The following LRFN5 variants were observed in gnomAD, a reference collection of about 807,000 sequenced individuals.
LRFN5 encodes leucine rich repeat and fibronectin type III domain containing 5.
LRFN5 carries 24 observed loss-of-function variants against 45.6 expected under a neutral mutation model. The observed-to-expected ratio is 0.53, with a 90% CI of 0.38 to 0.74. The LOEUF (loss-of-function observed/expected upper bound fraction) is 0.74. LRFN5 is among the 30% of genes least tolerant of loss of function. LRFN5 has a pLI of 0.00. For synonymous variants in LRFN5, 340 were observed against 313.8 expected, an observed-to-expected ratio of 1.08 and a Z score of -0.88; for missense variants, 776 against 861.5, an observed-to-expected ratio of 0.90 and a Z score of 1.24.
intron 2 of LRFN5, among the ~76,000 whole-genome samples, chr14:41,880,452 T>A (rs1257035669): frequency 1.3e-5 from 2 of 152,120 alleles, no homozygotes; most frequent in African/African-American, 2.4e-5. Context: ...ACAATTCAAA[T>A]ACACTATTTT....
At chr14:41,873,419 C>CAG (rs10558865) in intron 2 of LRFN5, among the ~76,000 whole-genome samples, 4,992 of 146,550 alleles carry the variant, frequency 0.034, 120 homozygotes, top group African/African-American at 0.073. Flanking sequence ...GAGAGAGAGA[C>CAG]AGAGAGAGAG....
chr14:41,776,697 G>A (rs1566433681), intron 2 of LRFN5, among the ~76,000 whole-genome samples: 2 of 151,968 alleles, frequency 1.3e-5, no homozygotes, highest in Non-Finnish European at 2.9e-5. Context: ...AAAATAAAAA[G>A]CTTTCATTTA....
At chr14:41,795,669 C>T (rs1000518054) in intron 2 of LRFN5, among the ~76,000 whole-genome samples, 2 of 151,762 alleles carry the variant, frequency 1.3e-5, no homozygotes, top group Admixed American at 6.6e-5. Context: ...AGCAAAGTAT[C>T]GCAAGGACAG....
rs1214965846 is a variant in LRFN5, at chr14:41,668,722, T to C, written c.-197+60160T>C. On this transcript the variant is annotated intron_variant, in intron 1 of 5. Transcript: ENST00000298119. ...AATTCCCCATCTGTATTAGAATTAGTAAGTCTCAGATTTGAAATAAGTTTT... is the reference window on the plus strand; with the variant it reads ...AATTCCCCATCTGTATTAGAATTAGCAAGTCTCAGATTTGAAATAAGTTTT... Among the ~76,000 whole-genome samples, 3 of 152,170 alleles carry C rather than the reference T, an allele frequency of 2.0e-5. No individual in the cohort carries two copies. The East Asian group carries it at 5.8e-4, about 29-fold the overall frequency.
rs1888528841 is a variant in LRFN5, at chr14:41,832,725, C to T, written c.-20-53881C>T. ...CCTCTCACATACTGTAAAGCATTGC[C>T]CCAGTCCCACAATGTGTTATCACTC... On this transcript the variant is annotated intron_variant, in intron 2 of 5. Coordinates refer to ENST00000298119, the MANE Select transcript of LRFN5 (RefSeq NM_152447.5). Among the ~76,000 whole-genome samples the T allele has an allele frequency of 2.0e-5, 3 of 152,132 alleles. No homozygotes were observed. In the South Asian group the frequency reaches 6.2e-4, roughly 32 times the overall value.
At chr14:41,760,950 A>G (rs1022148017) in intron 1 of LRFN5, among the ~76,000 whole-genome samples, 2 of 152,170 alleles carry the variant, frequency 1.3e-5, no homozygotes, top group Non-Finnish European at 2.9e-5. Flanking sequence ...CCCAATGTCC[A>G]TTTGGACTAA....
intron 1 of LRFN5, among the ~76,000 whole-genome samples, chr14:41,717,001 G>A (rs1054064984): frequency 7.9e-5 from 12 of 152,026 alleles, no homozygotes; most frequent in African/African-American, 2.9e-4. Flanking sequence ...TTCAACCTTT[G>A]TTTTTCGTCA....
intron 1 of LRFN5, among the ~76,000 whole-genome samples, chr14:41,759,595 A>T (rs752477534): frequency 6.6e-6 from 1 of 152,122 alleles, no homozygotes; most frequent in Non-Finnish European, 1.5e-5. Context: ...GATTAACACC[A>T]GTCCAGGAGT....
chr14:41,876,319 C>T (rs1265305978), intron 2 of LRFN5, among the ~76,000 whole-genome samples: 2 of 118,750 alleles, frequency 1.7e-5, no homozygotes, highest in Non-Finnish European at 1.6e-5. Flanking sequence ...GTCGCTCTGT[C>T]GCCCAGGCTG....
intron 1 of LRFN5, among the ~76,000 whole-genome samples, chr14:41,711,107 G>T (rs1465806379): frequency 6.6e-6 from 1 of 151,938 alleles, no homozygotes; most frequent in African/African-American, 2.4e-5. Flanking sequence ...GTTTCTCTCT[G>T]TCAAGAAAGA....
intron 1 of LRFN5, among the ~76,000 whole-genome samples, chr14:41,642,089 C>G (rs1594574710): frequency 6.6e-6 from 1 of 152,192 alleles, no homozygotes; most frequent in East Asian, 1.9e-4. Flanking sequence ...ACATGTAAGA[C>G]CTTGTCTTAC....
At chr14:41,611,969 T>C (rs1034835945) in intron 1 of LRFN5, among the ~76,000 whole-genome samples, 6 of 152,226 alleles carry the variant, frequency 3.9e-5, no homozygotes, top group East Asian at 1.9e-4. Flanking sequence ...TATCTAGTTA[T>C]GGCATTGGTG....
chr14:41,623,083 A>G (rs368944015), intron 1 of LRFN5, among the ~76,000 whole-genome samples: 1 of 152,180 alleles, frequency 6.6e-6, no homozygotes, highest in African/African-American at 2.4e-5. Context: ...CCTCTGTTTC[A>G]GTATAATGTC....
chr14:41,808,157 A>G (rs1047445447), intron 2 of LRFN5, among the ~76,000 whole-genome samples: 2 of 147,856 alleles, frequency 1.4e-5, no homozygotes, highest in Non-Finnish European at 3.0e-5. Context: ...GTTAAGAAGC[A>G]TAAAGAAAGT....
intron 1 of LRFN5, among the ~76,000 whole-genome samples, chr14:41,736,197 G>A (rs1884423948): frequency 6.6e-6 from 1 of 152,132 alleles, no homozygotes; most frequent in African/African-American, 2.4e-5. Flanking sequence ...TTCCACAATG[G>A]TTGAACTAAT....
chr14:41,624,519 A>T (rs1888256481), intron 1 of LRFN5, among the ~76,000 whole-genome samples: 1 of 152,188 alleles, frequency 6.6e-6, no homozygotes, highest in Admixed American at 6.6e-5. Context: ...TAGGTAGAGC[A>T]GATTTATTGT....
At chr14:41,794,546 T>G (rs1027432535) in intron 2 of LRFN5, among the ~76,000 whole-genome samples, 6 of 152,042 alleles carry the variant, frequency 3.9e-5, no homozygotes, top group African/African-American at 1.4e-4. Flanking sequence ...AACAGGAGTG[T>G]AGCCTTCATA....
At chr14:41,893,530 A>T in intron 4 of LRFN5, 2 of 984,984 alleles carry the variant, frequency 2.0e-6, no homozygotes, top group Non-Finnish European at 2.4e-6. Context: ...TAAGTTAAAC[A>T]CACAGTAAAA....
At chr14:41,612,477 T>C (rs1273778308) in intron 1 of LRFN5, among the ~76,000 whole-genome samples, 2 of 152,174 alleles carry the variant, frequency 1.3e-5, no homozygotes, top group Admixed American at 6.5e-5. Context: ...TTATGTTTTA[T>C]GTATTATTGA....
Sources: allele counts gnomAD v4.1 joint callset (sites outside exome capture counted in the v4.1 genomes callset), GRCh38; gene constraint gnomAD v4.1.1; transcripts MANE v1.5; gene names NCBI Gene and HGNC (gene_info 2026-07-23, HGNC 2026-07-21).